The following AGL variants were observed in gnomAD, a reference collection of about 807,000 sequenced individuals.
AGL encodes the protein glycogen debranching enzyme.
AGL carries 128 observed loss-of-function variants against 199.3 expected under a neutral mutation model. The ratio of observed to expected loss-of-function variants is 0.64; its 90% CI spans 0.56 to 0.74. The LOEUF is 0.74. AGL is among the 30% of genes least tolerant of loss of function. The pLI is 0.00. For missense variants in AGL, 1,809 were observed against 1,820.8 expected (o/e 0.99, Z 0.12); for synonymous variants, 584 against 594.7 (o/e 0.98, Z 0.26).
chr1:99,909,653 T>A (rs7552875), intron 27 of AGL, among the ~76,000 whole-genome samples: 96,304 of 150,556 alleles, frequency 0.64, 30,876 homozygotes, highest in Non-Finnish European at 0.66. Context: ...TGGAGAATTT[T>A]AAAAAAAGAA....
intron 21 of AGL, among the ~76,000 whole-genome samples, chr1:99,889,816 A>G (rs1191836674): frequency 6.6e-6 from 1 of 152,156 alleles, no homozygotes; most frequent in Non-Finnish European, 1.5e-5. Context: ...TTTTCTAAAT[A>G]GAATTGCCTT....
At chr1:99,854,618 G>C (rs1203581292) in intron 2 of AGL, among the ~76,000 whole-genome samples, 1 of 151,876 alleles carries the variant, frequency 6.6e-6, no homozygotes, top group African/African-American at 2.4e-5. Context: ...AAAAAAATTA[G>C]CCGGGCCTGG....
intron 25 of AGL, among the ~76,000 whole-genome samples, chr1:99,899,908 C>T (rs1336052512): frequency 1.3e-5 from 2 of 151,882 alleles, no homozygotes; most frequent in Non-Finnish European, 2.9e-5. Flanking sequence ...GCCTGAGCCA[C>T]CACGCCCGGC....
intron 17 of AGL, 119 bp downstream of exon 17, chr1:99,881,810 GGAC>G: frequency 3.0e-6 from 3 of 1,003,122 alleles, no homozygotes; most frequent in South Asian, 2.1e-5. Context: ...GTGCTACTGT[GGAC>G]GTACTTGAGA....
At chr1:99,851,245 A>T in intron 2 of AGL, 121 bp downstream of exon 2, 1 of 895,630 alleles carries the variant, frequency 1.1e-6, no homozygotes. Flanking sequence ...CTAAAACTTG[A>T]TTTGTGCAAA....
chr1:99,849,564 A>G (rs1557735682), upstream of AGL, among the ~76,000 whole-genome samples: 1 of 148,976 alleles, frequency 6.7e-6, no homozygotes, highest in Non-Finnish European at 1.5e-5. Context: ...TGGTGTTTGC[A>G]CTCTCGATGG....
chr1:99,907,362 C>T (rs552999958), intron 27 of AGL, among the ~76,000 whole-genome samples: 1 of 152,180 alleles, frequency 6.6e-6, no homozygotes, highest in South Asian at 2.1e-4. Flanking sequence ...TGTCAATGGA[C>T]ATTTGGGTTT....
At chr1:99,885,709 C>A (rs1652401451) in intron 20 of AGL, among the ~76,000 whole-genome samples, 2 of 152,072 alleles carry the variant, frequency 1.3e-5, no homozygotes, top group Admixed American at 1.3e-4. Context: ...GAATCTAATG[C>A]CTGATGATCT....
At chr1:99,910,201 A>G (rs1452982484) in intron 27 of AGL, among the ~76,000 whole-genome samples, 2 of 152,150 alleles carry the variant, frequency 1.3e-5, no homozygotes, top group African/African-American at 4.8e-5. Flanking sequence ...AATAATGTAC[A>G]TTGTACCCAT....
intron 21 of AGL, among the ~76,000 whole-genome samples, chr1:99,889,423 TG>T (rs1652713055): frequency 6.6e-6 from 1 of 152,088 alleles, no homozygotes; most frequent in Non-Finnish European, 1.5e-5. Flanking sequence ...AAGAAAGAAG[TG>T]TATGTGAGCC....
At chr1:99,916,284 G>T in intron 31 of AGL, 126 bp from the exon 32 acceptor site, 1 of 751,516 alleles carries the variant, frequency 1.3e-6, no homozygotes, top group Non-Finnish European at 2.2e-6. Context: ...TACTAATGCC[G>T]AGCTTATTCT....
chr1:99,888,313 C>G (rs935806711), intron 21 of AGL, among the ~76,000 whole-genome samples: 1 of 152,048 alleles, frequency 6.6e-6, no homozygotes, highest in African/African-American at 2.4e-5. Context: ...ATAATATTAT[C>G]TAATTTAGAA....
chr1:99,871,949 A>G (rs1651053990), intron 7 of AGL, among the ~76,000 whole-genome samples: 1 of 151,692 alleles, frequency 6.6e-6, no homozygotes, highest in Non-Finnish European at 1.5e-5. Flanking sequence ...TCAATTTTAT[A>G]TATAATTTTA....
intron 25 of AGL, among the ~76,000 whole-genome samples, chr1:99,896,696 C>T (rs912312813): frequency 5.9e-5 from 9 of 152,098 alleles, no homozygotes; most frequent in Non-Finnish European, 1.3e-4. Context: ...GAAGGCATTG[C>T]TAGTTCTTTG....
At chr1:99,876,623 G>A (rs1651559927) in intron 11 of AGL, 26 bp downstream of exon 11, 1 of 1,612,790 alleles carries the variant, frequency 6.2e-7, no homozygotes, top group African/African-American at 1.3e-5. Flanking sequence ...CTTCTCTGTG[G>A]ATGGGGAAAG....
At chr1:99,896,679 C>T (rs1258412591) in intron 25 of AGL, among the ~76,000 whole-genome samples, 1 of 152,126 alleles carries the variant, frequency 6.6e-6, no homozygotes, top group Non-Finnish European at 1.5e-5. Flanking sequence ...TTTATGCCTT[C>T]CATAGTGAAG....
rs1024038147 is a variant in AGL at position 99,920,817 on chromosome 1, T to A, written c.4482-717T>A. On this transcript the variant is annotated intron_variant, in intron 33 of 33. Transcript: ENST00000361915. ...ATTACAGATGTCTGTACTTTTTGAA[T>A]TTGTTTTCATTTTTAAGGGATTACA... 5.3e-5 allele frequency among the ~76,000 whole-genome samples: 8 copies of A among 152,326 alleles called. No homozygotes were observed. In the East Asian group the frequency reaches 1.5e-3, roughly 29 times the overall value.
chr1:99,870,860 C>A lies in AGL; in HGVS notation c.949C>A (p.Leu317Ile). 1 of 1,582,898 alleles carries A rather than the reference C, an allele frequency of 6.3e-7. No homozygotes were observed. The highest frequency in any genetic ancestry group is 8.7e-7 in the Non-Finnish European group (1 of 1,152,088). The stretch of plus-strand genomic sequence containing the variant: ...AGCGGTTGAGCAATTTAGAAGACTT[C>A]TTACACAAGGTAAAGGATACATACT... The part of the protein sequence containing the change: ...NKAVEQFRRL[L>I]TQENRRVTKS... The change falls in exon 7 of 34, where the codon CTT becomes ATT. Residue 317 changes from leucine to isoleucine, a missense_variant. Coordinates refer to ENST00000361915, the MANE Select transcript of AGL (RefSeq NM_000642.3).
intron 24 of AGL, among the ~76,000 whole-genome samples, chr1:99,895,984 GA>G (rs1459650598): frequency 1.3e-5 from 2 of 152,108 alleles, no homozygotes; most frequent in African/African-American, 4.8e-5. Context: ...TCAGAAAGAA[GA>G]AAAGTTTATC....
Sources: gnomAD v4.1 joint callset for allele counts (sites outside exome capture counted in the v4.1 genomes callset) on GRCh38, gnomAD v4.1.1 for gene constraint, MANE v1.5 for transcripts, NCBI Gene and HGNC (gene_info 2026-07-23, HGNC 2026-07-21) for gene names.